The following STK35 variants were observed in gnomAD, a reference collection of about 807,000 sequenced individuals.
STK35 encodes serine/threonine kinase 35.
A neutral mutation model predicts 37.3 loss-of-function variants in STK35; 17 were observed. The ratio of observed to expected loss-of-function variants is 0.46; its 90% CI spans 0.31 to 0.68. The LOEUF (loss-of-function observed/expected upper bound fraction) is 0.68. STK35 is among the 30% of genes least tolerant of loss of function. STK35 has a pLI of 0.05. For missense variants in STK35, 595 were observed against 746.7 expected, an observed-to-expected ratio of 0.80 and a Z score of 2.37; for synonymous variants, 385 against 319.1, an observed-to-expected ratio of 1.21 and a Z score of -2.20.
At chr20:2,130,874 C>A (rs1432126338) in intron 3 of STK35, among the ~76,000 whole-genome samples, 6 of 145,558 alleles carry the variant, frequency 4.1e-5, no homozygotes. Flanking sequence ...GCCATCCCGT[C>A]ACACCGTGGT....
chr20:2,108,326 T>C (rs1489580954), intron 2 of STK35, among the ~76,000 whole-genome samples: 1 of 152,112 alleles, frequency 6.6e-6, no homozygotes, highest in African/African-American at 2.4e-5. Context: ...CTGGCCAAAG[T>C]GGTGAAACCC....
At chr20:2,110,212 C>T (rs1985592087) in intron 2 of STK35, among the ~76,000 whole-genome samples, 1 of 152,226 alleles carries the variant, frequency 6.6e-6, no homozygotes, top group Non-Finnish European at 1.5e-5. Flanking sequence ...TTTTAATGTA[C>T]AACTCCTAAT....
In STK35 at chr20:2,101,843, C is replaced by T; in HGVS notation, c.-39C>T. 7.6e-7 allele frequency: 1 copy of T among 1,323,048 alleles called. No homozygotes were observed. Among genetic ancestry groups the T allele is most frequent in the Non-Finnish European group, 9.7e-7 (1 of 1,033,300 alleles). The allele number at this position is 1,323,048 out of a possible 1,614,324, so 82.0% of individuals were successfully genotyped here. A position where few individuals can be genotyped will look rare whatever the true frequency, so the allele number is the denominator to read the frequency against. The stretch of plus-strand genomic sequence containing the variant: ...GGCTGCTCCGTCGACCTTTGCAGGA[C>T]CGGGCGGTGCAGGGCTCACTCGGCT... On this transcript the variant is annotated 5_prime_UTR_variant, in exon 1 of 4. Coordinates refer to ENST00000381482, the MANE Select transcript of STK35 (RefSeq NM_080836.4).
chr20:2,117,921 A>G lies in STK35; in HGVS notation c.*37+506A>G, dbSNP rs868354787. ...GCAATTATCTGAGTACACGTTGGAA[A>G]GTCTAGAGAAGTCTTCTCAGAGGAG... On this transcript the variant is annotated intron_variant, in intron 3 of 3. Transcript: ENST00000381482. The surrounding 1 kb of genome is among the most constrained non-coding windows in gnomAD (Gnocchi z 4.4). 7.9e-5 allele frequency among the ~76,000 whole-genome samples: 12 copies of G among 152,342 alleles called. No individual in the cohort carries two copies. Among genetic ancestry groups the G allele is most frequent in the Admixed American group, 1.3e-4 (2 of 15,306 alleles).
At chr20:2,103,438 T>A in intron 2 of STK35, 73 bp downstream of exon 2, 1 of 1,444,112 alleles carries the variant, frequency 6.9e-7, no homozygotes, top group Non-Finnish European at 9.4e-7. Flanking sequence ...TGGCCCACAC[T>A]GTTCCTGGCC....
chr20:2,106,806 G>A (rs965847089), intron 2 of STK35, among the ~76,000 whole-genome samples: 6 of 152,126 alleles, frequency 3.9e-5, no homozygotes, highest in African/African-American at 9.7e-5. Flanking sequence ...GACCAAACAC[G>A]TCCTACCCAG....
At chr20:2,133,989 CTTG>C (rs1215212527) in intron 3 of STK35, among the ~76,000 whole-genome samples, 1 of 152,164 alleles carries the variant, frequency 6.6e-6, no homozygotes, top group African/African-American at 2.4e-5. Flanking sequence ...GGGCCTGCCA[CTTG>C]TTGCTGCAAG....
rs770658542 is a variant in STK35, at chr20:2,103,379, G to C, written c.892+14G>C. 1.2e-6 allele frequency: 2 copies of C among 1,603,302 alleles called. No individual in the cohort carries two copies. The highest frequency in any genetic ancestry group is 1.7e-6 in the Non-Finnish European group (2 of 1,173,702). On this transcript the variant is annotated intron_variant, in intron 2 of 3. Coordinates refer to ENST00000381482, the MANE Select transcript of STK35 (RefSeq NM_080836.4). ...CCTCGCTGAAAGGTAGGAGCACCGC[G>C]GGCCTTTCCACCCACGCAGGGCCTG...
chr20:2,139,284 C>A (rs1382595003), intron 3 of STK35, among the ~76,000 whole-genome samples: 1 of 152,176 alleles, frequency 6.6e-6, no homozygotes, highest in African/African-American at 2.4e-5. Context: ...CTTAAACAGA[C>A]CAGACACCTG....
At chr20:2,112,597 T>C (rs1370006665) in intron 2 of STK35, among the ~76,000 whole-genome samples, 1 of 152,126 alleles carries the variant, frequency 6.6e-6, no homozygotes, top group Non-Finnish European at 1.5e-5. Flanking sequence ...CAGTTACTCA[T>C]GGTAAGGGCC....
In STK35 at chr20:2,103,149, G is replaced by T. The variant is rs1317280454; in HGVS notation, c.676G>T (p.Ala226Ser). 3 of 1,605,650 alleles carry T rather than the reference G, an allele frequency of 1.9e-6. No individual in the cohort carries two copies. Among genetic ancestry groups the T allele is most frequent in the Non-Finnish European group, 2.5e-6 (3 of 1,179,214 alleles). ...TGAGGCAGTGGCCGGGCGCAGCGGGGCCCGGGTGGCGGTCAAGAAGATCCG... is the reference window on the plus strand; with the variant it reads ...TGAGGCAGTGGCCGGGCGCAGCGGGTCCCGGGTGGCGGTCAAGAAGATCCG... ...VYEAVAGRSGARVAVKKIRCD... is the reference protein window; with the variant it reads ...VYEAVAGRSGSRVAVKKIRCD... Residue 226 changes from alanine to serine, a missense_variant, in exon 2 of 4, where the codon GCC becomes TCC. By Grantham distance (99) the Ala-to-Ser change is moderately conservative. Coordinates refer to ENST00000381482, the MANE Select transcript of STK35 (RefSeq NM_080836.4).
Position 2,126,951 on chromosome 20 carries a change from A to G in STK35, c.*37+9536A>G, listed in dbSNP as rs551917151. On this transcript the variant is annotated intron_variant, in intron 3 of 3. Transcript: ENST00000381482. ...GATTAGGGCCACCCAGGCACTCCAT[A>G]GGCCATAGTGAGGAAGATGAAAATG... Among the ~76,000 whole-genome samples the G allele has an allele frequency of 4.7e-4, 71 of 152,338 alleles. 1 individual carries two copies. Among genetic ancestry groups the G allele is most frequent in the African/African-American group, 1.6e-3 (67 of 41,584 alleles).
At chr20:2,111,276 C>T (rs1985612634) in intron 2 of STK35, among the ~76,000 whole-genome samples, 1 of 152,184 alleles carries the variant, frequency 6.6e-6, no homozygotes, top group African/African-American at 2.4e-5. Context: ...AGTTTAACGT[C>T]TCTGAAATCA....
chr20:2,140,456 C>A (rs1042174623), intron 3 of STK35, among the ~76,000 whole-genome samples: 1 of 152,216 alleles, frequency 6.6e-6, no homozygotes, highest in African/African-American at 2.4e-5. Context: ...AACTCAGAAC[C>A]ATGTGGTCTG....
intron 2 of STK35, among the ~76,000 whole-genome samples, chr20:2,113,534 C>G (rs995129411): frequency 6.6e-6 from 1 of 152,126 alleles, no homozygotes; most frequent in Non-Finnish European, 1.5e-5. Flanking sequence ...ATAGCCTGGT[C>G]TGCCTAGAAC....
chr20:2,135,236 C>T (rs575188032), intron 3 of STK35, among the ~76,000 whole-genome samples: 4 of 152,178 alleles, frequency 2.6e-5, no homozygotes, highest in Non-Finnish European at 4.4e-5. Flanking sequence ...AGTCTGTCTG[C>T]CTTTCAGAGA....
At chr20:2,142,939 G>C (rs183913966) in intron 3 of STK35, among the ~76,000 whole-genome samples, 55 of 152,348 alleles carry the variant, frequency 3.6e-4, no homozygotes, top group Non-Finnish European at 6.9e-4. Flanking sequence ...CCACTGAAGG[G>C]CAGGCTTCTT....
chr20:2,141,122 C>T (rs1986165652), intron 3 of STK35, among the ~76,000 whole-genome samples: 1 of 152,222 alleles, frequency 6.6e-6, no homozygotes, highest in Non-Finnish European at 1.5e-5. Context: ...ACCCTAAATA[C>T]CCTCTTCCCC....
chr20:2,107,060 A>C (rs1985529161), intron 2 of STK35, among the ~76,000 whole-genome samples: 1 of 152,186 alleles, frequency 6.6e-6, no homozygotes, highest in African/African-American at 2.4e-5. Context: ...TTCTCACATA[A>C]AGGTTGGGGG....
Sources: allele counts gnomAD v4.1 joint callset (sites outside exome capture counted in the v4.1 genomes callset), GRCh38; gene constraint gnomAD v4.1.1; non-coding constraint Gnocchi (gnomAD v3.1); transcripts MANE v1.5; gene names NCBI Gene and HGNC (gene_info 2026-07-23, HGNC 2026-07-21).